The following DHRS2 variants were observed in gnomAD, a reference collection of about 807,000 sequenced individuals.
The protein encoded by DHRS2 is dehydrogenase/reductase 2, also known as dehydrogenase/reductase SDR family member 2, mitochondrial.
In DHRS2, 29 loss-of-function variants were observed where a neutral mutation model predicts 26.3. That is an observed-to-expected ratio of 1.10 (90% CI 0.82 to 1.50). The LOEUF is 1.50. Ranked by LOEUF, DHRS2 falls within the 40% of genes most tolerant of loss-of-function variation. The pLI, the probability that DHRS2 is intolerant of heterozygous loss-of-function variation, is 0.00. For synonymous variants in DHRS2, 164 were observed against 151.3 expected (o/e 1.08, Z -0.62); for missense variants, 439 against 367.1 (o/e 1.20, Z -1.60).
chr14:23,641,745 T>C (rs1890681666), intron 4 of DHRS2: 3 of 1,289,496 alleles, frequency 2.3e-6, no homozygotes, highest in Non-Finnish European at 3.0e-6. Context: ...ACTGGTAACC[T>C]GTCATCAAAT....
chr14:23,645,118 A>C (rs1566705551), intron 8 of DHRS2, 24 bp from the exon 9 acceptor site: 2 of 1,613,758 alleles, frequency 1.2e-6, no homozygotes, highest in South Asian at 2.2e-5. Context: ...AAGATGCTTG[A>C]CACTGTGTCC....
chr14:23,642,000 C>T, intron 4 of DHRS2: 2 of 1,118,616 alleles, frequency 1.8e-6, no homozygotes, highest in Non-Finnish European at 2.2e-6. Context: ...CTGCATCTTT[C>T]CTTGCTACTT....
At position 23,638,869 on chromosome 14, in the gene DHRS2, T is replaced by A; in HGVS notation, c.5T>A (p.Leu2Gln). The change falls in exon 2 of 9, where the codon CTG becomes CAG. Residue 2 changes from leucine (L) to glutamine (Q), a missense_variant. Leu to Gln is a moderately radical substitution (Grantham distance 113). Transcript: ENST00000250383. M[L>Q]SAVARGYQGW... ...GCATCTCAGACACCAACCACTATGC[T>A]GTCAGCAGTTGCCCGGGGCTACCAG... The A allele has an allele frequency of 6.2e-7, 1 of 1,613,922 alleles. No individual in the cohort carries two copies. The highest frequency in any genetic ancestry group is 8.5e-7 in the Non-Finnish European group (1 of 1,179,876).
upstream of DHRS2, among the ~76,000 whole-genome samples, chr14:23,635,600 T>G (rs769884255): frequency 6.6e-6 from 1 of 152,246 alleles, no homozygotes; most frequent in African/African-American, 2.4e-5. Flanking sequence ...TGAGAGTTTC[T>G]GTTGATTTTG....
chr14:23,637,525 C>G (rs1890381178), intron 1 of DHRS2, among the ~76,000 whole-genome samples: 1 of 152,146 alleles, frequency 6.6e-6, no homozygotes, highest in African/African-American at 2.4e-5. Flanking sequence ...GACCCCTTCC[C>G]TCCCTCAGGT....
chr14:23,638,954 G>A lies in DHRS2; in HGVS notation c.90G>A (p.Arg30=), dbSNP rs1435934960. The stretch of plus-strand genomic sequence containing the variant: ...GGATGAGCAGCACCGGGATAGACAG[G>A]AAGGGCGTCCTGGCTAACCGGGTAG... ...SVRMSSTGID[R]KGVLANRVAV... is the part of the protein sequence containing the mutation. Residue 30 remains arginine (R), a synonymous_variant, in exon 2 of 9, where the codon AGG becomes AGA. Transcript: ENST00000250383. The A allele has an allele frequency of 6.8e-6, 11 of 1,613,970 alleles. No homozygotes were observed. The highest frequency in any genetic ancestry group is 8.5e-6 in the Non-Finnish European group (10 of 1,180,044).
upstream of DHRS2, among the ~76,000 whole-genome samples, chr14:23,631,622 G>A (rs911121338): frequency 6.6e-6 from 1 of 151,242 alleles, no homozygotes; most frequent in African/African-American, 2.4e-5. Context: ...CCTCCAAGAT[G>A]GGACTAGGTT....
chr14:23,641,915 A>T, intron 4 of DHRS2: 1 of 1,195,726 alleles, frequency 8.4e-7, no homozygotes, highest in Admixed American at 3.4e-5. Flanking sequence ...CTGAATCAGG[A>T]CAGATCCCTG....
chr14:23,641,886 G>A, intron 4 of DHRS2: 1 of 1,214,444 alleles, frequency 8.2e-7, no homozygotes, highest in East Asian at 5.7e-5. Flanking sequence ...ATTCCCTAGA[G>A]ATGCAGGATG....
At chr14:23,641,425 A>G in intron 4 of DHRS2, 1 of 362,106 alleles carries the variant, frequency 2.8e-6, no homozygotes, top group South Asian at 2.3e-5. Context: ...GCTCAGAACT[A>G]CTTGGCACAC....
Position 23,639,836 on chromosome 14 carries a change from G to A in DHRS2, c.361G>A (p.Ala121Thr), listed in dbSNP as rs748943201. The A allele has an allele frequency of 9.9e-5, 159 of 1,610,550 alleles. No homozygotes were observed. Among genetic ancestry groups the A allele is most frequent in the Middle Eastern group, 1.7e-4 (1 of 6,052 alleles). ...CGGVDFLVCS[A>T]GVNPLVGSTL... is the part of the protein sequence containing the mutation. ...GGGCGTCGACTTCCTGGTGTGCAGC[G>A]CAGGGGTCAACCCTCTGGTAGGGAG... is the stretch of plus-strand genomic sequence containing the variant. Residue 121 changes from alanine to threonine, a missense_variant, in exon 4 of 9, where the codon GCA (alanine) becomes ACA (threonine). Physicochemically the swap from Ala to Thr is moderately conservative, Grantham distance 58. Coordinates refer to ENST00000250383, the MANE Select transcript of DHRS2 (RefSeq NM_005794.4).
At chr14:23,631,871 G>C (rs1566694718), upstream of DHRS2, among the ~76,000 whole-genome samples, 1 of 152,220 alleles carries the variant, frequency 6.6e-6, no homozygotes, top group African/African-American at 2.4e-5. Context: ...CCAGGCAAAA[G>C]AGGGGCTTTG....
chr14:23,642,893 A>T (rs1319850692), intron 4 of DHRS2: 1 of 369,638 alleles, frequency 2.7e-6, no homozygotes, highest in African/African-American at 2.1e-5. Flanking sequence ...AGGCCTGAAC[A>T]TTTCCTTCCT....
At chr14:23,643,605 C>T (rs556398766) in intron 5 of DHRS2, 1 of 274,910 alleles carries the variant, frequency 3.6e-6, no homozygotes, top group Non-Finnish European at 7.0e-6. Context: ...CAGACCTCTC[C>T]TCATGCCTGC....
At chr14:23,630,569 A>AT (rs1329117461) in intron 1 of DHRS2, among the ~76,000 whole-genome samples, 1 of 152,222 alleles carries the variant, frequency 6.6e-6, no homozygotes, top group Non-Finnish European at 1.5e-5. Flanking sequence ...CTTAGTGCTG[A>AT]TGAAAAAGAG....
intron 4 of DHRS2, chr14:23,640,400 G>A (rs982088788): frequency 1.1e-5 from 11 of 985,500 alleles, no homozygotes; most frequent in Middle Eastern, 5.2e-4. Flanking sequence ...CCAGCCATCA[G>A]CATTCCGGGG....
At chr14:23,632,034 T>C (rs1260620165), upstream of DHRS2, among the ~76,000 whole-genome samples, 3 of 152,164 alleles carry the variant, frequency 2.0e-5, no homozygotes, top group Admixed American at 2.0e-4. Context: ...CAGGGCTTGG[T>C]AAGAACTGTT....
chr14:23,640,398 C>T (rs1265686566), intron 4 of DHRS2: 1 of 985,502 alleles, frequency 1.0e-6, no homozygotes, highest in South Asian at 4.7e-5. Flanking sequence ...ATCCAGCCAT[C>T]AGCATTCCGG....
Position 23,639,882 on chromosome 14 carries a change from A to C in DHRS2, c.407A>C (p.Gln136Pro), listed in dbSNP as rs777574300. The change falls in exon 4 of 9, where the codon CAG becomes CCG. Residue 136 changes from glutamine to proline, a missense_variant. Gln to Pro is a moderately conservative substitution (Grantham distance 76, BLOSUM62 -1). Transcript: ENST00000250383. ...GGGAGCACTCTGGGGACCAGTGAGC[A>C]GATCTGGGACAAGGTGAGAGGCCTC... The part of the protein sequence containing the change: ...LVGSTLGTSE[Q>P]IWDKILSVNV... 6.2e-7 allele frequency: 1 copy of C among 1,605,588 alleles called. No individual in the cohort carries two copies. The highest frequency in any genetic ancestry group is 1.1e-5 in the South Asian group (1 of 89,814).
Sources: gnomAD v4.1 joint callset for allele counts (sites outside exome capture counted in the v4.1 genomes callset) on GRCh38, gnomAD v4.1.1 for gene constraint, MANE v1.5 for transcripts, NCBI Gene and HGNC (gene_info 2026-07-23, HGNC 2026-07-21) for gene names.